Variants in RALYL observed in about 807,000 individuals in gnomAD.
RALYL encodes RALY RNA binding protein like, also known as RNA-binding Raly-like protein.
Under a neutral mutation model 35.1 loss-of-function variants are expected in RALYL, and 29 were observed. The ratio of observed to expected loss-of-function variants is 0.83; its 90% CI spans 0.61 to 1.13. RALYL has a LOEUF of 1.13. Ranked by LOEUF, RALYL falls within the 50% of genes most tolerant of loss-of-function variation. The pLI, the probability that RALYL is intolerant of heterozygous loss-of-function variation, is 0.00. For synonymous variants in RALYL, 120 were observed against 127.6 expected, an observed-to-expected ratio of 0.94 and a Z score of 0.40; for missense variants, 359 against 360.4, an observed-to-expected ratio of 1.00 and a Z score of 0.03.
chr8:84,492,317 A>G (rs1361399320), intron 1 of RALYL, among the ~76,000 whole-genome samples: 1 of 152,120 alleles, frequency 6.6e-6, no homozygotes, highest in African/African-American at 2.4e-5. Flanking sequence ...TAATTTATGC[A>G]TATAATTCAA....
chr8:84,617,479 AAGG>A lies in RALYL; in HGVS notation c.256+87905_256+87907del, dbSNP rs1356561797. On this transcript the variant is annotated intron_variant, in intron 2 of 8. Transcript: ENST00000521268. ...CTTTGCTGAAGTTGCTTATCAGCTT[AAGG>A]AGATTTTGGGCTGAGACAATGGGGT... Among the ~76,000 whole-genome samples the A allele has an allele frequency of 7.7e-4, 116 of 150,014 alleles. 1 individual carries two copies. In the Middle Eastern group the frequency reaches 0.014, roughly 18 times the overall value.
At chr8:84,377,677 C>T (rs968149551) in intron 1 of RALYL, among the ~76,000 whole-genome samples, 12 of 151,440 alleles carry the variant, frequency 7.9e-5, no homozygotes, top group African/African-American at 2.7e-4. Context: ...GTATTTTATC[C>T]ACCCACTCTG....
chr8:84,738,632 T>C (rs1159951765), intron 2 of RALYL, among the ~76,000 whole-genome samples: 3 of 152,056 alleles, frequency 2.0e-5, no homozygotes, highest in Non-Finnish European at 4.4e-5. Flanking sequence ...AGCATCGTTA[T>C]ATATTACTAT....
intron 1 of RALYL, among the ~76,000 whole-genome samples, chr8:84,326,448 T>A (rs1845804770): frequency 6.6e-6 from 1 of 152,214 alleles, no homozygotes; most frequent in Non-Finnish European, 1.5e-5. Context: ...TGCATTTAGC[T>A]AACAGCTTAA....
At chr8:84,759,577 A>G (rs1456146847) in intron 2 of RALYL, among the ~76,000 whole-genome samples, 3 of 152,204 alleles carry the variant, frequency 2.0e-5, no homozygotes, top group Non-Finnish European at 4.4e-5. Flanking sequence ...AACTGGGTTT[A>G]GTTTAAGAAA....
chr8:84,367,345 T>A lies in RALYL; in HGVS notation c.-23-161954T>A, dbSNP rs1451574500. 8.1e-5 allele frequency among the ~76,000 whole-genome samples: 9 copies of A among 110,572 alleles called. 1 individual carries two copies. Among genetic ancestry groups the A allele is most frequent in the East Asian group, 2.7e-4 (1 of 3,756 alleles). The allele number at this position is 110,572 out of a possible 152,430, so 72.5% of individuals were successfully genotyped here. A position where few individuals can be genotyped will look rare whatever the true frequency, so the allele number is the denominator to read the frequency against. On this transcript the variant is annotated intron_variant, in intron 1 of 8. Transcript: ENST00000521268. Reference sequence around the variant, plus strand: ...TTTTTTTTTTTTTTTTTTTTTTTTTTTTTTTTTTTTTTTTTTTTTTTTTTA... The same window carrying A: ...TTTTTTTTTTTTTTTTTTTTTTTTTATTTTTTTTTTTTTTTTTTTTTTTTA...
intron 1 of RALYL, among the ~76,000 whole-genome samples, chr8:84,436,462 A>T (rs1305257729): frequency 6.6e-6 from 1 of 151,062 alleles, no homozygotes. Flanking sequence ...TTCTCACATT[A>T]TCATGTCTTT....
chr8:84,650,437 A>G (rs1279533215), intron 2 of RALYL, among the ~76,000 whole-genome samples: 2 of 152,310 alleles, frequency 1.3e-5, no homozygotes, highest in East Asian at 1.9e-4. Context: ...TTCTCAAAAG[A>G]AGACATTTAT....
rs2057731203 is a variant in RALYL, at chr8:84,512,787, A to C, written c.-23-16512A>C. Among the ~76,000 whole-genome samples, 3 of 152,128 alleles carry C rather than the reference A, an allele frequency of 2.0e-5. No individual in the cohort carries two copies. In the South Asian group the frequency reaches 6.2e-4, roughly 31 times the overall value. On this transcript the variant is annotated intron_variant, in intron 1 of 8. Transcript: ENST00000521268. ...CAGCACCATTTGTTGAAGAGGGTGT[A>C]CTTTCTCCAATGTATGTTCTGGCAC...
chr8:84,706,666 G>A (rs1052670428), intron 2 of RALYL, among the ~76,000 whole-genome samples: 21 of 152,110 alleles, frequency 1.4e-4, no homozygotes, highest in African/African-American at 5.1e-4. Context: ...ACTGATTCTG[G>A]CTGAAAAGGA....
chr8:84,223,226 C>CCCTTCCCTTCCCTTT (rs1822954973), intron 1 of RALYL, among the ~76,000 whole-genome samples: 2 of 137,066 alleles, frequency 1.5e-5, no homozygotes, highest in Non-Finnish European at 1.5e-5. Context: ...CCCTTCCCTT[C>CCCTTCCCTTCCCTTT]CCTTCCCTTC....
Position 84,474,078 on chromosome 8 carries a change from CAAATA to C in RALYL, c.-23-55217_-23-55213del, listed in dbSNP as rs142668125. ...TTCTCTTTATTATGAGCTCTGATAT[CAAATA>C]AAAGATGGGTTTACTTGCTCTTTCA... On this transcript the variant is annotated intron_variant, in intron 1 of 8. Transcript: ENST00000521268. Among the ~76,000 whole-genome samples the C allele has an allele frequency of 1.8e-3, 277 of 152,072 alleles. 2 individuals carry two copies. Among genetic ancestry groups the C allele is most frequent in the Non-Finnish European group, 3.2e-3 (220 of 67,938 alleles).
intron 2 of RALYL, among the ~76,000 whole-genome samples, chr8:84,604,762 A>T (rs1816745090): frequency 6.6e-6 from 1 of 152,124 alleles, no homozygotes; most frequent in Admixed American, 6.6e-5. Context: ...TTTGTTACCA[A>T]GAGAAACTTA....
At chr8:84,825,652 G>T (rs113073352) in intron 4 of RALYL, among the ~76,000 whole-genome samples, 1 of 152,008 alleles carries the variant, frequency 6.6e-6, no homozygotes, top group African/African-American at 2.4e-5. Flanking sequence ...CAGATCACCT[G>T]AGGTCAGGAG....
intron 2 of RALYL, among the ~76,000 whole-genome samples, chr8:84,674,633 A>T (rs1833857673): frequency 6.6e-6 from 1 of 152,310 alleles, no homozygotes; most frequent in East Asian, 1.9e-4. Flanking sequence ...AAAGTACTTC[A>T]AAGGTAATTC....
intron 1 of RALYL, among the ~76,000 whole-genome samples, chr8:84,333,172 C>T (rs1258988401): frequency 6.6e-6 from 1 of 152,142 alleles, no homozygotes; most frequent in East Asian, 1.9e-4. Flanking sequence ...TGAATTAACA[C>T]TTGGAATAAC....
rs1027630345 is a variant in RALYL, at chr8:84,607,809, A to G, written c.256+78232A>G. ...TGTGTTTCTCAAACCCTCTGGGGTC[A>G]AGGTTCATTTTTCTCTTTACTGTTT... On this transcript the variant is annotated intron_variant, in intron 2 of 8. Coordinates refer to ENST00000521268, the MANE Select transcript of RALYL (RefSeq NM_173848.7). Among the ~76,000 whole-genome samples, 14 of 152,240 alleles carry G rather than the reference A, an allele frequency of 9.2e-5. No individual in the cohort carries two copies. In the South Asian group the frequency reaches 2.5e-3, roughly 27 times the overall value.
intron 2 of RALYL, among the ~76,000 whole-genome samples, chr8:84,635,431 C>T (rs1277369022): frequency 1.3e-5 from 2 of 151,426 alleles, no homozygotes; most frequent in Non-Finnish European, 3.0e-5. Context: ...ATAAATTTAT[C>T]GGAATATGGT....
At chr8:84,549,053 G>A (rs1308281183) in intron 2 of RALYL, among the ~76,000 whole-genome samples, 1 of 152,174 alleles carries the variant, frequency 6.6e-6, no homozygotes, top group African/African-American at 2.4e-5. Flanking sequence ...AAAGGGAGTA[G>A]CTGTTTGAAC....
Sources: gnomAD v4.1 joint callset for allele counts (sites outside exome capture counted in the v4.1 genomes callset) on GRCh38, gnomAD v4.1.1 for gene constraint, MANE v1.5 for transcripts, NCBI Gene and HGNC (gene_info 2026-07-23, HGNC 2026-07-21) for gene names.